The following ATF6 variants were observed in gnomAD, a reference collection of about 807,000 sequenced individuals.
ATF6 encodes activating transcription factor 6.
ATF6 carries 53 observed loss-of-function variants against 83.6 expected under a neutral mutation model. That is an observed-to-expected ratio of 0.63 (90% CI 0.51 to 0.80). The LOEUF (loss-of-function observed/expected upper bound fraction) is 0.80, where lower values mean the gene tolerates loss of function less well. ATF6 is among the 30% of genes least tolerant of loss of function. The pLI is 0.00. For missense variants in ATF6, 744 were observed against 797.9 expected (o/e 0.93, Z 0.81); for synonymous variants, 288 against 285.8 (o/e 1.01, Z -0.08).
At chr1:161,799,757 G>C (rs138434228) in intron 6 of ATF6, among the ~76,000 whole-genome samples, 36 of 152,210 alleles carry the variant, frequency 2.4e-4, no homozygotes, top group African/African-American at 8.7e-4. Flanking sequence ...GCTACTTTCA[G>C]TGTGTTTTTT....
At chr1:161,905,430 T>C (rs1687861251) in intron 14 of ATF6, among the ~76,000 whole-genome samples, 1 of 152,212 alleles carries the variant, frequency 6.6e-6, no homozygotes, top group East Asian at 1.9e-4. Context: ...TTGACTCAAT[T>C]TACTGTAGTC....
At chr1:161,780,358 T>C (rs1684605447) in intron 2 of ATF6, among the ~76,000 whole-genome samples, 1 of 151,914 alleles carries the variant, frequency 6.6e-6, no homozygotes, top group South Asian at 2.1e-4. Flanking sequence ...TTGCCTGAGG[T>C]GTATTTTTTT....
At chr1:161,821,007 A>T (rs1009190912) in intron 8 of ATF6, 63 bp from the exon 9 acceptor site, 1 of 1,161,438 alleles carries the variant, frequency 8.6e-7, no homozygotes, top group Non-Finnish European at 1.2e-6. Context: ...TTCTAATCTT[A>T]AGCGTTGCTT....
chr1:161,869,079 C>CA lies in ATF6; in HGVS notation c.1719+5776dup, dbSNP rs35932688. 5.9e-4 allele frequency among the ~76,000 whole-genome samples: 88 copies of CA among 149,114 alleles called. 1 individual carries two copies. Among genetic ancestry groups the CA allele is most frequent in the Non-Finnish European group, 7.8e-4 (52 of 67,062 alleles). ...ACTGTAGGAAATACTGTGATTATTG[C>CA]AAAAAAAAAGGTTGACTAGTGGTGT... On this transcript the variant is annotated intron_variant, in intron 14 of 15. Transcript: ENST00000367942.
intron 6 of ATF6, among the ~76,000 whole-genome samples, chr1:161,796,835 C>T (rs1030527621): frequency 1.1e-4 from 16 of 151,938 alleles, no homozygotes; most frequent in African/African-American, 3.9e-4. Context: ...GTTTGACTTC[C>T]TCTCTTCATA....
At chr1:161,899,427 G>A (rs1380797687) in intron 14 of ATF6, among the ~76,000 whole-genome samples, 2 of 152,018 alleles carry the variant, frequency 1.3e-5, no homozygotes, top group East Asian at 3.9e-4. Context: ...ATATCAGAAT[G>A]AAGAATCCTG....
chr1:161,830,642 C>A (rs990881111), intron 9 of ATF6, among the ~76,000 whole-genome samples: 35 of 152,282 alleles, frequency 2.3e-4, no homozygotes, highest in African/African-American at 6.5e-4. Context: ...GAAATAATAC[C>A]ACACGTCTAC....
At chr1:161,909,844 T>A (rs1687954484) in intron 14 of ATF6, among the ~76,000 whole-genome samples, 1 of 152,122 alleles carries the variant, frequency 6.6e-6, no homozygotes, top group Non-Finnish European at 1.5e-5. Context: ...TAGTCCCAGC[T>A]ACTCTGCAGG....
intron 4 of ATF6, among the ~76,000 whole-genome samples, chr1:161,787,093 A>G (rs1684763669): frequency 6.6e-6 from 1 of 152,164 alleles, no homozygotes; most frequent in Non-Finnish European, 1.5e-5. Flanking sequence ...GTCTGTGTCC[A>G]ACTTTTGATG....
intron 15 of ATF6, among the ~76,000 whole-genome samples, chr1:161,932,421 TG>T (rs1688452600): frequency 6.6e-6 from 1 of 152,190 alleles, no homozygotes; most frequent in Non-Finnish European, 1.5e-5. Context: ...TATAGCCTTT[TG>T]ATTTTTTGAC....
chr1:161,800,204 C>T (rs1685110652), intron 6 of ATF6, among the ~76,000 whole-genome samples: 1 of 152,080 alleles, frequency 6.6e-6, no homozygotes, highest in African/African-American at 2.4e-5. Flanking sequence ...AGAAGTGTTT[C>T]AGATTTTGGG....
At chr1:161,869,300 CAT>C (rs993098489) in intron 14 of ATF6, among the ~76,000 whole-genome samples, 1 of 151,884 alleles carries the variant, frequency 6.6e-6, no homozygotes, top group Admixed American at 6.5e-5. Context: ...AAAAATTCAA[CAT>C]ATGTATATAT....
Position 161,814,452 on chromosome 1 carries a change from A to G in ATF6, c.910-5181A>G, listed in dbSNP as rs542298998. 1.1e-4 allele frequency among the ~76,000 whole-genome samples: 16 copies of G among 152,306 alleles called. 1 individual carries two copies. In the South Asian group the frequency reaches 3.1e-3, roughly 30 times the overall value. On this transcript the variant is annotated intron_variant, in intron 7 of 15. Coordinates refer to ENST00000367942, the MANE Select transcript of ATF6 (RefSeq NM_007348.4). The stretch of plus-strand genomic sequence containing the variant: ...TAACCTAGCAGGGACTTTGTCTATT[A>G]TCTGTTCTCATTCTGGAAACTATAC...
intron 14 of ATF6, among the ~76,000 whole-genome samples, chr1:161,911,469 T>C (rs1687990799): frequency 6.6e-6 from 1 of 152,230 alleles, no homozygotes; most frequent in Non-Finnish European, 1.5e-5. Context: ...TCTTGGCTTA[T>C]TCTTACTTTT....
intron 6 of ATF6, among the ~76,000 whole-genome samples, chr1:161,792,860 A>G (rs1237673494): frequency 6.6e-6 from 1 of 152,108 alleles, no homozygotes; most frequent in African/African-American, 2.4e-5. Context: ...ATGGCCTCAT[A>G]CACTTGTGAT....
At chr1:161,845,794 AAGTT>A (rs1385879071) in intron 9 of ATF6, among the ~76,000 whole-genome samples, 4 of 151,328 alleles carry the variant, frequency 2.6e-5, no homozygotes, top group African/African-American at 9.7e-5. Context: ...AAAAAAAAAA[AAGTT>A]AAGTAGGCAG....
chr1:161,870,734 C>G (rs984443189), intron 14 of ATF6, among the ~76,000 whole-genome samples: 1 of 151,718 alleles, frequency 6.6e-6, no homozygotes, highest in Non-Finnish European at 1.5e-5. Context: ...TCTAAAATAA[C>G]TTGCTTTATG....
intron 7 of ATF6, among the ~76,000 whole-genome samples, chr1:161,810,874 G>T (rs1395920648): frequency 2.0e-5 from 3 of 151,872 alleles, no homozygotes; most frequent in Non-Finnish European, 4.4e-5. Context: ...GCCCTTTTGT[G>T]TATGGCGTCT....
intron 11 of ATF6, among the ~76,000 whole-genome samples, chr1:161,852,039 A>G (rs1686643738): frequency 6.6e-6 from 1 of 152,214 alleles, no homozygotes; most frequent in African/African-American, 2.4e-5. Flanking sequence ...ATAGTTGCTT[A>G]CTTAAATATG....
Sources: gnomAD v4.1 joint callset for allele counts (sites outside exome capture counted in the v4.1 genomes callset) on GRCh38, gnomAD v4.1.1 for gene constraint, MANE v1.5 for transcripts, NCBI Gene and HGNC (gene_info 2026-07-23, HGNC 2026-07-21) for gene names.